ZNFX1: variants seen among roughly 807,000 people sequenced by gnomAD.
ZNFX1 encodes the protein NFX1-type zinc finger-containing protein 1.
ZNFX1 carries 78 observed loss-of-function variants against 179.8 expected under a neutral mutation model. The observed-to-expected ratio is 0.43, with a 90% CI of 0.36 to 0.52. The LOEUF is 0.52. Among genes scored for constraint, ZNFX1 ranks in the 20% least tolerant of loss-of-function variants. ZNFX1 has a pLI of 0.00. For missense variants in ZNFX1, 1,927 were observed against 2,386.6 expected, an observed-to-expected ratio of 0.81 and a Z score of 4.01; for synonymous variants, 848 against 868.5, an observed-to-expected ratio of 0.98 and a Z score of 0.42.
In ZNFX1 at chr20:49,249,577, G is replaced by C; in HGVS notation, c.3447C>G (p.Tyr1149Ter). The C allele has an allele frequency of 6.2e-7, 1 of 1,614,232 alleles. No individual in the cohort carries two copies. The highest frequency in any genetic ancestry group is 8.5e-7 in the Non-Finnish European group (1 of 1,180,048). ...ELCKYFLCQE[Y>*]LPSQITILTT... Reference sequence around the variant, plus strand: ...TGAGGATGGTGATCTGGGAAGGCAGGTATTCCTGGCACAGGAAGTACTTGC... The same window carrying C: ...TGAGGATGGTGATCTGGGAAGGCAGCTATTCCTGGCACAGGAAGTACTTGC... Residue 1149 changes from tyrosine (Y) to a stop codon, truncating the protein, a stop_gained, in exon 14 of 14, where the codon TAC (tyrosine) becomes TAG (stop). Coordinates refer to ENST00000396105, the MANE Select transcript of ZNFX1 (RefSeq NM_021035.3). LOFTEE classifies it high-confidence loss of function.
chr20:49,266,846 G>A (rs1435610746), intron 3 of ZNFX1, among the ~76,000 whole-genome samples: 2 of 152,032 alleles, frequency 1.3e-5, no homozygotes, highest in African/African-American at 4.8e-5. Flanking sequence ...AAGAGTTATA[G>A]GCTCATTAGT....
In ZNFX1 at chr20:49,253,021, C is replaced by CAA. The variant is rs199709079; in HGVS notation, c.3106-192_3106-191insTT. Among the ~76,000 whole-genome samples the CAA allele has an allele frequency of 8.8e-3, 1,345 of 152,298 alleles. 22 individuals carry two copies. The highest frequency in any genetic ancestry group is 0.031 in the African/African-American group (1,270 of 41,554). On this transcript the variant is annotated intron_variant, in intron 11 of 13. Coordinates refer to ENST00000396105, the MANE Select transcript of ZNFX1 (RefSeq NM_021035.3). ...ATTAGTAGAACTAAAGGTGATATGA[C>CAA]AGAGTGCCCCATGGTGGGTTTTTTC...
chr20:49,247,158 C>A lies in ZNFX1; in HGVS notation c.*109G>T. 4 of 1,451,052 alleles carry A rather than the reference C, an allele frequency of 2.8e-6. No individual in the cohort carries two copies. Among genetic ancestry groups the A allele is most frequent in the Non-Finnish European group, 3.7e-6 (4 of 1,080,940 alleles). The allele number at this position is 1,451,052 out of a possible 1,614,324, so 89.9% of individuals were successfully genotyped here. A position where few individuals can be genotyped will look rare whatever the true frequency, so the allele number is the denominator to read the frequency against. The stretch of plus-strand genomic sequence containing the variant: ...CTGGGATTACAGGCGTAAGCCACTG[C>A]GCCCAGCCTAAAAAGGATGATAATA... On this transcript the variant is annotated 3_prime_UTR_variant, in exon 14 of 14. Coordinates refer to ENST00000396105, the MANE Select transcript of ZNFX1 (RefSeq NM_021035.3).
chr20:49,266,149 T>C lies in ZNFX1; in HGVS notation c.1988A>G (p.Asp663Gly). ...LVVCYTNHAL[D>G]QFLEGIYNCQ... ...ATAAGTATTACCTTCCAGAAACTGGTCCAAAGCATGATTAGTATAACACAC... is the reference window on the plus strand; with the variant it reads ...ATAAGTATTACCTTCCAGAAACTGGCCCAAAGCATGATTAGTATAACACAC... Residue 663 changes from aspartate (D) to glycine (G), a missense_variant, in exon 4 of 14, where the codon GAC (aspartate) becomes GGC (glycine). Asp to Gly is a moderately conservative substitution (Grantham distance 94). Coordinates refer to ENST00000396105, the MANE Select transcript of ZNFX1 (RefSeq NM_021035.3). 1 of 1,608,528 alleles carries C rather than the reference T, an allele frequency of 6.2e-7. No homozygotes were observed. The highest frequency in any genetic ancestry group is 8.5e-7 in the Non-Finnish European group (1 of 1,178,586).
intron 3 of ZNFX1, 34 bp downstream of exon 3, chr20:49,269,908 C>T (rs1362604755): frequency 6.5e-7 from 1 of 1,540,456 alleles, no homozygotes; most frequent in African/African-American, 1.4e-5. Flanking sequence ...TCTTACAAAG[C>T]AGATCTTATG....
At chr20:49,274,987 G>T (rs955839967) in intron 2 of ZNFX1, among the ~76,000 whole-genome samples, 3 of 151,414 alleles carry the variant, frequency 2.0e-5, no homozygotes, top group African/African-American at 7.3e-5. Context: ...GCCGGGCGTG[G>T]TGGTGGGCAC....
intron 11 of ZNFX1, among the ~76,000 whole-genome samples, chr20:49,253,176 T>C (rs1002177375): frequency 6.6e-6 from 1 of 151,852 alleles, no homozygotes; most frequent in African/African-American, 2.4e-5. Context: ...CAAGAGCAAA[T>C]GGGATGAAGT....
In ZNFX1 at chr20:49,270,951, T is replaced by C. The variant is rs1322808517; in HGVS notation, c.861A>G (p.Ile287Met). 1.2e-6 allele frequency: 2 copies of C among 1,614,156 alleles called. No homozygotes were observed. Among genetic ancestry groups the C allele is most frequent in the South Asian group, 1.1e-5 (1 of 91,078 alleles). The change falls in exon 3 of 14, where the codon ATA becomes ATG. Residue 287 changes from isoleucine to methionine, a missense_variant. By Grantham distance (10) the Ile-to-Met change is conservative. Transcript: ENST00000396105. The surrounding 1 kb of genome is among the most constrained non-coding windows in gnomAD (Gnocchi z 4.6). ...LNALRASGVD[I>M]EEETEKNLEK... The stretch of plus-strand genomic sequence containing the variant: ...CCAGGTTCTTCTCCGTTTCCTCTTC[T>C]ATGTCAACACCAGAGGCTCTCAGAG...
At chr20:49,257,265 G>A in intron 8 of ZNFX1, 152 bp downstream of exon 8, 9 of 1,121,128 alleles carry the variant, frequency 8.0e-6, no homozygotes, top group Non-Finnish European at 1.1e-5. Context: ...ATATCCTTGG[G>A]AATCACTAAA....
Position 49,270,675 on chromosome 20 carries a change from ATCT to A in ZNFX1, c.1134_1136del (p.Glu378del). 6.2e-7 allele frequency: 1 copy of A among 1,614,144 alleles called. No homozygotes were observed. Among genetic ancestry groups the A allele is most frequent in the Non-Finnish European group, 8.5e-7 (1 of 1,180,034 alleles). ...TACCTTCCCGTAAAGGTCTGACGAA[ATCT>A]TCTCGCAGGAGCCGGAAGTGGGTAT... On this transcript the variant is annotated inframe_deletion, in exon 3 of 14. Coordinates refer to ENST00000396105, the MANE Select transcript of ZNFX1 (RefSeq NM_021035.3). The surrounding 1 kb of genome is among the most constrained non-coding windows in gnomAD (Gnocchi z 4.6).
chr20:49,268,121 C>T (rs1031447511), intron 3 of ZNFX1, among the ~76,000 whole-genome samples: 7 of 151,946 alleles, frequency 4.6e-5, no homozygotes, highest in Admixed American at 2.0e-4. Flanking sequence ...GTGATCCACC[C>T]GCCTCAGCCT....
intron 3 of ZNFX1, among the ~76,000 whole-genome samples, 196 bp downstream of exon 3, chr20:49,269,746 T>C (rs1204351072): frequency 1.4e-5 from 2 of 139,314 alleles, no homozygotes; most frequent in East Asian, 4.1e-4. Flanking sequence ...GATGACAAAA[T>C]AATCTGTACA....
At chr20:49,252,228 G>A (rs1371399130) in intron 12 of ZNFX1, among the ~76,000 whole-genome samples, 1 of 148,562 alleles carries the variant, frequency 6.7e-6, no homozygotes, top group East Asian at 2.0e-4. Flanking sequence ...TGCAACCACC[G>A]CCTCCCAGGT....
rs776645461 is a variant in ZNFX1 at position 49,254,580 on chromosome 20, T to C, written c.2874A>G (p.Thr958=). 2 of 1,614,198 alleles carry C rather than the reference T, an allele frequency of 1.2e-6. No individual in the cohort carries two copies. The highest frequency in any genetic ancestry group is 1.7e-6 in the Non-Finnish European group (2 of 1,180,032). ...TCAGCTCGGCCATTCTTTCTGCTGA[T>C]GTGCGGTACTGGCGTTCATAGCTGA... The part of the protein sequence containing the change: ...KILSYERQYR[T]SAERMAELRL... Residue 958 remains threonine (T), a synonymous_variant, in exon 10 of 14, where the codon ACA becomes ACG. Transcript: ENST00000396105.
rs1359403938 is a variant in ZNFX1, at chr20:49,246,547, T to C, written c.*720A>G. ...AACAACTATGGGCCTCTGTTTATTA[T>C]GAGAGTTAGTCTGCAAATTAGGGCC... On this transcript the variant is annotated 3_prime_UTR_variant, in exon 14 of 14. Coordinates refer to ENST00000396105, the MANE Select transcript of ZNFX1 (RefSeq NM_021035.3). 1 of 214,872 alleles carries C rather than the reference T, an allele frequency of 4.7e-6. No individual in the cohort carries two copies. Among genetic ancestry groups the C allele is most frequent in the Non-Finnish European group, 9.5e-6 (1 of 105,434 alleles). The allele number at this position is 214,872 out of a possible 1,614,324, so 13.3% of individuals were successfully genotyped here.
chr20:49,260,600 T>C, intron 6 of ZNFX1, 23 bp from the exon 7 acceptor site: 1 of 1,527,088 alleles, frequency 6.5e-7, no homozygotes, highest in Non-Finnish European at 9.0e-7. Context: ...GAATGATCAT[T>C]TGTGAGGATT....
At position 49,263,411 on chromosome 20, in the gene ZNFX1, C is replaced by G. The variant is rs944356364; in HGVS notation, c.2224G>C (p.Gly742Arg). 6.2e-6 allele frequency: 10 copies of G among 1,613,386 alleles called. No individual in the cohort carries two copies. The highest frequency in any genetic ancestry group is 8.5e-6 in the Non-Finnish European group (10 of 1,179,708). Reference sequence around the variant, plus strand: ...TGCAGGTACTGTTCCCGTAGGACACCACGCATGGTGCACTCCAGGGTCTTG... The same window carrying G: ...TGCAGGTACTGTTCCCGTAGGACACGACGCATGGTGCACTCCAGGGTCTTG... The part of the protein sequence containing the change: ...GAKTLECTMR[G>R]VLREQYLQKY... Residue 742 changes from glycine to arginine, a missense_variant, in exon 6 of 14, where the codon GGT (glycine) becomes CGT (arginine). Gly to Arg is a moderately radical substitution (Grantham distance 125, BLOSUM62 -2). Coordinates refer to ENST00000396105, the MANE Select transcript of ZNFX1 (RefSeq NM_021035.3).
chr20:49,252,219 G>A (rs1980856691), intron 12 of ZNFX1, among the ~76,000 whole-genome samples: 1 of 148,692 alleles, frequency 6.7e-6, no homozygotes. Context: ...TCGGCTCACT[G>A]CAACCACCGC....
At position 49,251,430 on chromosome 20, in the gene ZNFX1, C is replaced by T. The variant is rs557046411; in HGVS notation, c.3312+97G>A. ...TGCTGGGATTACAGGTGTGAGCCACCGCGCCTGGCCGCTGAAAAGCTTTTT... is the reference window on the plus strand; with the variant it reads ...TGCTGGGATTACAGGTGTGAGCCACTGCGCCTGGCCGCTGAAAAGCTTTTT... On this transcript the variant is annotated intron_variant, in intron 13 of 13. Coordinates refer to ENST00000396105, the MANE Select transcript of ZNFX1 (RefSeq NM_021035.3). 4.0e-5 allele frequency: 44 copies of T among 1,097,972 alleles called. No homozygotes were observed. The African/African-American group carries it at 4.8e-4, about 12-fold the overall frequency. 68.0% of individuals were successfully genotyped at this position (1,097,972 alleles called of 1,614,324 possible).
Sources: allele counts gnomAD v4.1 joint callset (sites outside exome capture counted in the v4.1 genomes callset), GRCh38; gene constraint gnomAD v4.1.1; non-coding constraint Gnocchi (gnomAD v3.1); transcripts MANE v1.5; gene names NCBI Gene and HGNC (gene_info 2026-07-23, HGNC 2026-07-21).